Variants in PAWR observed in about 807,000 individuals in gnomAD.
PAWR encodes pro-apoptotic WT1 regulator.
Under a neutral mutation model 32.0 loss-of-function variants are expected in PAWR, and 23 were observed. That is an observed-to-expected ratio of 0.72 (90% CI 0.52 to 1.02). The LOEUF (loss-of-function observed/expected upper bound fraction) is 1.02, where lower values mean the gene tolerates loss of function less well. Ranked by LOEUF, PAWR falls within the 50% of genes least tolerant of loss-of-function variation. PAWR has a pLI of 0.00. For missense variants in PAWR, 457 were observed against 437.7 expected, an observed-to-expected ratio of 1.04 and a Z score of -0.39; for synonymous variants, 226 against 187.1, an observed-to-expected ratio of 1.21 and a Z score of -1.70.
At chr12:79,660,127 A>T (rs1877280138) in intron 2 of PAWR, among the ~76,000 whole-genome samples, 1 of 152,214 alleles carries the variant, frequency 6.6e-6, no homozygotes, top group South Asian at 2.1e-4. Flanking sequence ...GTCGGTTATA[A>T]ATGTTAACAG....
chr12:79,613,583 T>A lies in PAWR; in HGVS notation c.675A>T (p.Arg225Ser). 6.5e-7 allele frequency: 1 copy of A among 1,544,038 alleles called. No individual in the cohort carries two copies. The highest frequency in any genetic ancestry group is 8.9e-7 in the Non-Finnish European group (1 of 1,121,878). ...GTCATAAGGATTCTTACCTTTTATA[T>A]CTGCCTGAAACTGTTCTAGGTGGCT... ...LQEPPRTVSG[R>S]YKSTTSVSEE... Residue 225 changes from arginine (R) to serine (S), a missense_variant, in exon 4 of 7, where the codon AGA becomes AGT. Arg to Ser is a moderately radical substitution (Grantham distance 110, BLOSUM62 -1). Coordinates refer to ENST00000328827, the MANE Select transcript of PAWR (RefSeq NM_002583.4).
intron 2 of PAWR, among the ~76,000 whole-genome samples, chr12:79,662,963 CAG>C (rs1877420052): frequency 6.6e-6 from 1 of 152,138 alleles, no homozygotes; most frequent in Non-Finnish European, 1.5e-5. Flanking sequence ...TCTTACATGG[CAG>C]ATATTTTGAG....
intron 4 of PAWR, among the ~76,000 whole-genome samples, chr12:79,610,180 A>T (rs2136693902): frequency 1.3e-5 from 2 of 152,366 alleles, no homozygotes; most frequent in Middle Eastern, 6.8e-3. Context: ...GCAAAGCTGT[A>T]GCTCATACTG....
chr12:79,664,351 T>C (rs1386922655), intron 2 of PAWR, among the ~76,000 whole-genome samples: 1 of 152,166 alleles, frequency 6.6e-6, no homozygotes, highest in Admixed American at 6.5e-5. Flanking sequence ...AAAAAATATA[T>C]AGTAAATTAA....
intron 2 of PAWR, among the ~76,000 whole-genome samples, chr12:79,688,657 T>C (rs1878804824): frequency 6.6e-6 from 1 of 152,076 alleles, no homozygotes. Flanking sequence ...ATTTAACAGG[T>C]ATGGAAATCA....
At chr12:79,679,117 T>A (rs1472969985) in intron 2 of PAWR, among the ~76,000 whole-genome samples, 1 of 152,190 alleles carries the variant, frequency 6.6e-6, no homozygotes, top group Non-Finnish European at 1.5e-5. Context: ...CCATCATAGT[T>A]GTTATTATAC....
At chr12:79,668,700 CA>C (rs1877734069) in intron 2 of PAWR, among the ~76,000 whole-genome samples, 1 of 152,170 alleles carries the variant, frequency 6.6e-6, no homozygotes, top group Non-Finnish European at 1.5e-5. Context: ...AGGCAGAGCC[CA>C]GGCAGTAATG....
At chr12:79,613,140 T>C (rs1181345781) in intron 4 of PAWR, among the ~76,000 whole-genome samples, 1 of 152,174 alleles carries the variant, frequency 6.6e-6, no homozygotes, top group African/African-American at 2.4e-5. Context: ...TGGCTACCTA[T>C]AAGGCAGGAA....
At chr12:79,652,177 TACAAA>T (rs1166095514) in intron 2 of PAWR, among the ~76,000 whole-genome samples, 2 of 152,170 alleles carry the variant, frequency 1.3e-5, no homozygotes, top group Non-Finnish European at 2.9e-5. Flanking sequence ...TGGTGATGGT[TACAAA>T]ACAATGTAAA....
chr12:79,613,905 T>C (rs1326944004), intron 3 of PAWR, among the ~76,000 whole-genome samples: 1 of 115,450 alleles, frequency 8.7e-6, no homozygotes, highest in Non-Finnish European at 1.8e-5. Context: ...CTCTTGAAAG[T>C]CAAGGGGCAT....
At chr12:79,628,797 G>GA (rs1005918271) in intron 2 of PAWR, among the ~76,000 whole-genome samples, 1 of 151,948 alleles carries the variant, frequency 6.6e-6, no homozygotes, top group African/African-American at 2.4e-5. Context: ...AGTGATTAAA[G>GA]AAAAAATGAT....
intron 2 of PAWR, among the ~76,000 whole-genome samples, chr12:79,645,650 C>T (rs1876539630): frequency 6.6e-6 from 1 of 152,138 alleles, no homozygotes; most frequent in Non-Finnish European, 1.5e-5. Context: ...TTTAACAGTA[C>T]TTAGGAAAAA....
In PAWR at chr12:79,652,576, A is replaced by C. The variant is rs61009377; in HGVS notation, c.517-31369T>G. Among the ~76,000 whole-genome samples the C allele has an allele frequency of 8.8e-3, 1,335 of 152,354 alleles. 29 individuals are homozygous for C. The highest frequency in any genetic ancestry group is 0.031 in the African/African-American group (1,292 of 41,584). On this transcript the variant is annotated intron_variant, in intron 2 of 6. Transcript: ENST00000328827. ...AAAAGTTCAATCACAAAACATGATCAAAATATGGAGCATCATGAATTTATT... is the reference window on the plus strand; with the variant it reads ...AAAAGTTCAATCACAAAACATGATCCAAATATGGAGCATCATGAATTTATT...
intron 2 of PAWR, among the ~76,000 whole-genome samples, chr12:79,641,630 C>T (rs1036462600): frequency 6.6e-5 from 10 of 151,956 alleles, no homozygotes. Context: ...GGGCGGATCA[C>T]GAGATCAGGA....
chr12:79,624,613 C>G (rs1053152867), intron 2 of PAWR, among the ~76,000 whole-genome samples: 1 of 152,130 alleles, frequency 6.6e-6, no homozygotes, highest in Admixed American at 6.5e-5. Context: ...TGCTAGCAAC[C>G]AGTGCAGTTC....
intron 2 of PAWR, among the ~76,000 whole-genome samples, chr12:79,631,235 G>C (rs1051200670): frequency 5.9e-5 from 9 of 152,038 alleles, no homozygotes; most frequent in African/African-American, 2.2e-4. Context: ...TTTTCCCCTG[G>C]GACCAAGAAT....
chr12:79,597,240 C>T (rs1255716517), intron 4 of PAWR, among the ~76,000 whole-genome samples: 2 of 151,764 alleles, frequency 1.3e-5, no homozygotes, highest in African/African-American at 2.4e-5. Context: ...TTTTGTATTT[C>T]TTTTTTCAGA....
rs549760547 is a variant in PAWR, at chr12:79,690,214, C to A, written c.31G>T (p.Gly11Cys). ...AAGTCTGTGGTGCTGCCGCCGAGGC[C>A]GCTGCTGGTCCGGTAGCCACCGGTC... MATGGYRTSS[G>C]LGGSTTDFLE... is the part of the protein sequence containing the mutation. The change falls in exon 2 of 7, where the codon GGC becomes TGC. Residue 11 changes from glycine (G) to cysteine (C), a missense_variant. Gly to Cys is a radical substitution (Grantham distance 159). Transcript: ENST00000328827. The A allele has an allele frequency of 1.3e-4, 197 of 1,525,582 alleles. No individual in the cohort carries two copies. Among genetic ancestry groups the A allele is most frequent in the Admixed American group, 7.3e-4 (37 of 50,758 alleles). The allele number at this position is 1,525,582 out of a possible 1,614,324, so 94.5% of individuals were successfully genotyped here. A position where few individuals can be genotyped will look rare whatever the true frequency, so the allele number is the denominator to read the frequency against.
intron 4 of PAWR, among the ~76,000 whole-genome samples, chr12:79,611,849 C>T (rs1203725888): frequency 6.6e-6 from 1 of 151,986 alleles, no homozygotes; most frequent in Non-Finnish European, 1.5e-5. Context: ...AATAAATTTG[C>T]CTTCTGATTT....
Sources: allele counts gnomAD v4.1 joint callset (sites outside exome capture counted in the v4.1 genomes callset), GRCh38; gene constraint gnomAD v4.1.1; transcripts MANE v1.5; gene names NCBI Gene and HGNC (gene_info 2026-07-23, HGNC 2026-07-21).